DISP1: variants seen among roughly 807,000 people sequenced by gnomAD.
The protein encoded by DISP1 is protein dispatched homolog 1.
A neutral mutation model predicts 37.3 loss-of-function variants in DISP1; 30 were observed. The observed-to-expected ratio is 0.80, with a 90% confidence interval of 0.60 to 1.09. DISP1 has a LOEUF of 1.09. Among genes scored for constraint, DISP1 ranks in the 50% least tolerant of loss-of-function variants. DISP1 has a pLI of 0.00. For missense variants in DISP1, 1,598 were observed against 1,879.5 expected (o/e 0.85, Z 2.77); for synonymous variants, 634 against 690.2 (o/e 0.92, Z 1.28).
chr1:222,892,734 A>G (rs972257959), intron 1 of DISP1, among the ~76,000 whole-genome samples: 1 of 152,254 alleles, frequency 6.6e-6, no homozygotes, highest in Non-Finnish European at 1.5e-5. Context: ...AATCTGGATT[A>G]GCAAAGCAAT....
chr1:222,996,806 G>C (rs1318154407), intron 8 of DISP1, among the ~76,000 whole-genome samples: 1 of 152,080 alleles, frequency 6.6e-6, no homozygotes, highest in African/African-American at 2.4e-5. Context: ...CTTCTAGTGA[G>C]GAAGATACCT....
intron 1 of DISP1, among the ~76,000 whole-genome samples, chr1:222,834,545 A>G (rs1448243805): frequency 1.3e-5 from 2 of 152,192 alleles, no homozygotes; most frequent in African/African-American, 4.8e-5. Context: ...AGGTCTTACT[A>G]TTAAGACATT....
intron 1 of DISP1, among the ~76,000 whole-genome samples, chr1:222,880,455 C>G (rs937197989): frequency 6.6e-6 from 1 of 152,072 alleles, no homozygotes; most frequent in Non-Finnish European, 1.5e-5. Context: ...GTGATCACAC[C>G]TCTAAACTCC....
intron 3 of DISP1, among the ~76,000 whole-genome samples, chr1:222,959,700 C>CAAAAAA (rs139605919): frequency 8.9e-6 from 1 of 111,826 alleles, no homozygotes; most frequent in Admixed American, 9.1e-5. Flanking sequence ...AACTCTGTCT[C>CAAAAAA]AAAAAAAAAA....
chr1:222,829,189 G>A (rs920244440), intron 1 of DISP1, among the ~76,000 whole-genome samples: 2 of 152,178 alleles, frequency 1.3e-5, no homozygotes, highest in African/African-American at 2.4e-5. Flanking sequence ...AGGACATTAA[G>A]TATTGTTTTC....
At chr1:222,936,913 T>G (rs1248191662) in intron 2 of DISP1, among the ~76,000 whole-genome samples, 1 of 54,252 alleles carries the variant, frequency 1.8e-5, no homozygotes, top group East Asian at 3.7e-4. Context: ...TATAATATAT[T>G]ATATATTATA....
At chr1:222,993,580 G>A (rs573250666) in intron 7 of DISP1, among the ~76,000 whole-genome samples, 1 of 152,230 alleles carries the variant, frequency 6.6e-6, no homozygotes, top group Non-Finnish European at 1.5e-5. Context: ...TAGGAGATGA[G>A]GCAGAACCTT....
intron 1 of DISP1, among the ~76,000 whole-genome samples, chr1:222,822,764 G>T (rs985016749): frequency 1.3e-5 from 2 of 152,214 alleles, no homozygotes; most frequent in African/African-American, 2.4e-5. Context: ...ATATCAGAGT[G>T]AGTGGTGTGA....
intron 1 of DISP1, among the ~76,000 whole-genome samples, chr1:222,880,597 A>T (rs1269698016): frequency 2.6e-5 from 4 of 152,222 alleles, no homozygotes; most frequent in Non-Finnish European, 4.4e-5. Flanking sequence ...GCAGATTTCT[A>T]TTCATGGAAA....
chr1:222,850,059 C>T (rs1309618735), intron 1 of DISP1, among the ~76,000 whole-genome samples: 3 of 152,102 alleles, frequency 2.0e-5, no homozygotes, highest in Admixed American at 2.0e-4. Context: ...ATTTCTCTGC[C>T]TCAGTTTCTT....
chr1:222,971,836 T>C (rs1301288161), intron 3 of DISP1, among the ~76,000 whole-genome samples: 1 of 152,122 alleles, frequency 6.6e-6, no homozygotes. Flanking sequence ...ATTTGTATAG[T>C]TTATAGTGAA....
At chr1:222,959,579 A>C (rs1472189705) in intron 3 of DISP1, among the ~76,000 whole-genome samples, 1 of 151,924 alleles carries the variant, frequency 6.6e-6, no homozygotes, top group East Asian at 1.9e-4. Flanking sequence ...ACATGACTGT[A>C]ATCCCAGCTA....
intron 1 of DISP1, among the ~76,000 whole-genome samples, chr1:222,864,076 G>A (rs897041940): frequency 6.6e-6 from 1 of 152,150 alleles, no homozygotes; most frequent in African/African-American, 2.4e-5. Context: ...ACCAAGCTCA[G>A]AAATGTATGT....
intron 3 of DISP1, among the ~76,000 whole-genome samples, chr1:222,963,650 C>T (rs1352428492): frequency 1.3e-5 from 2 of 152,074 alleles, no homozygotes; most frequent in African/African-American, 2.4e-5. Flanking sequence ...TTATCTTCAG[C>T]GAACTAACAC....
chr1:222,976,607 T>A (rs1028773533), intron 3 of DISP1, among the ~76,000 whole-genome samples: 7 of 152,062 alleles, frequency 4.6e-5, no homozygotes, highest in Non-Finnish European at 1.5e-5. Flanking sequence ...CAAATTTTTT[T>A]AACATAAAAT....
intron 2 of DISP1, among the ~76,000 whole-genome samples, chr1:222,941,834 C>T (rs916419048): frequency 1.3e-5 from 2 of 151,846 alleles, no homozygotes; most frequent in African/African-American, 2.4e-5. Context: ...GAAGGGTTAG[C>T]GAGCTAAATT....
rs559115514 is a variant in DISP1 at position 222,871,100 on chromosome 1, T to C, written c.-159+56022T>C. ...AGGTTTGTCAAAGATCAGATAGTTG[T>C]AGATACGCGGCATTATTTCTAAGGG... On this transcript the variant is annotated intron_variant, in intron 1 of 8. Coordinates refer to ENST00000675850, the MANE Select transcript of DISP1 (RefSeq NM_001377229.1). Among the ~76,000 whole-genome samples the C allele has an allele frequency of 3.4e-4, 52 of 152,266 alleles. 2 individuals are homozygous for C. The highest frequency in any genetic ancestry group is 1.2e-3 in the African/African-American group (50 of 41,582).
chr1:222,981,825 A>G (rs1012267311), intron 3 of DISP1, among the ~76,000 whole-genome samples: 11 of 152,230 alleles, frequency 7.2e-5, no homozygotes, highest in Middle Eastern at 3.4e-3. Flanking sequence ...AAGAAAGAGT[A>G]TGTAGCTAGG....
At position 222,865,412 on chromosome 1, in the gene DISP1, T is replaced by G. The variant is rs562862837; in HGVS notation, c.-159+50334T>G. ...CATCTTTAGCCCTGTATAGAAACAT[T>G]TAAGTTGTCCCCTCCCATACTTATA... On this transcript the variant is annotated intron_variant, in intron 1 of 8. Coordinates refer to ENST00000675850, the MANE Select transcript of DISP1 (RefSeq NM_001377229.1). 2.8e-4 allele frequency among the ~76,000 whole-genome samples: 43 copies of G among 152,232 alleles called. No homozygotes were observed. The South Asian group carries it at 4.8e-3, about 17-fold the overall frequency.
Sources: gnomAD v4.1 joint callset for allele counts (sites outside exome capture counted in the v4.1 genomes callset) on GRCh38, gnomAD v4.1.1 for gene constraint, MANE v1.5 for transcripts, NCBI Gene and HGNC (gene_info 2026-07-23, HGNC 2026-07-21) for gene names.